The following CFAP20DC variants were observed in gnomAD, a reference collection of about 807,000 sequenced individuals.
The protein encoded by CFAP20DC is protein CFAP20DC.
In CFAP20DC, 84 loss-of-function variants were observed where a neutral mutation model predicts 101.7. The ratio of observed to expected loss-of-function variants is 0.83; its 90% CI spans 0.69 to 0.99. The LOEUF (loss-of-function observed/expected upper bound fraction) is 0.99, where lower values mean the gene tolerates loss of function less well. Ranked by LOEUF, CFAP20DC falls within the 50% of genes least tolerant of loss-of-function variation. CFAP20DC has a pLI of 0.00. For synonymous variants in CFAP20DC, 359 were observed against 351.2 expected, an observed-to-expected ratio of 1.02 and a Z score of -0.25; for missense variants, 1,007 against 970.3, an observed-to-expected ratio of 1.04 and a Z score of -0.50.
intron 6 of CFAP20DC, among the ~76,000 whole-genome samples, chr3:58,907,445 CG>C (rs2083716805): frequency 6.6e-6 from 1 of 152,176 alleles, no homozygotes; most frequent in Non-Finnish European, 1.5e-5. Context: ...TGCATCATCC[CG>C]GGGTCTGGTG....
chr3:58,765,490 C>CAAAAAAAAAAAAAAAAAAAAAAACAA (rs1337049385), intron 15 of CFAP20DC, among the ~76,000 whole-genome samples: 1 of 81,828 alleles, frequency 1.2e-5, no homozygotes, highest in Non-Finnish European at 2.5e-5. Flanking sequence ...AAAAAAAAAC[C>CAAAAAAAAAAAAAAAAAAAAAAACAA]AAAAAAAAAA....
At chr3:59,011,403 A>G (rs1477260158) in intron 4 of CFAP20DC, among the ~76,000 whole-genome samples, 1 of 151,976 alleles carries the variant, frequency 6.6e-6, no homozygotes, top group African/African-American at 2.4e-5. Context: ...ATCTCAAAAA[A>G]AAAAAAAAAG....
At chr3:58,742,723 T>A in intron 16 of CFAP20DC, 151 bp from the exon 17 acceptor site, 1 of 452,708 alleles carries the variant, frequency 2.2e-6, no homozygotes, top group Non-Finnish European at 3.9e-6. Flanking sequence ...ACTGTGGAAG[T>A]GGTGAGACTC....
chr3:58,741,751 C>T (rs1368579738), downstream of CFAP20DC, among the ~76,000 whole-genome samples: 1 of 152,040 alleles, frequency 6.6e-6, no homozygotes, highest in Non-Finnish European at 1.5e-5. Context: ...CCACCTCTGC[C>T]TCCCAAGATT....
intron 4 of CFAP20DC, among the ~76,000 whole-genome samples, chr3:58,957,049 C>A (rs1014214886): frequency 6.6e-6 from 1 of 152,048 alleles, no homozygotes; most frequent in Non-Finnish European, 1.5e-5. Context: ...AGGAAACAAT[C>A]AACAAACTGA....
intron 12 of CFAP20DC, among the ~76,000 whole-genome samples, chr3:58,855,366 G>A (rs575097833): frequency 6.6e-6 from 1 of 152,270 alleles, no homozygotes; most frequent in Non-Finnish European, 1.5e-5. Flanking sequence ...TGGAGAAATA[G>A]GAACACTTTT....
In CFAP20DC at chr3:58,884,410, G is replaced by A. The variant is rs2081450449; in HGVS notation, c.715+135C>T. On this transcript the variant is annotated intron_variant, in intron 7 of 16. Transcript: ENST00000482387. ...ATCTGAGTTTGTAGCCCCTGGCGTG[G>A]TATGTGGCAAGTATACTCTGTTAAG... 7 of 714,220 alleles carry A rather than the reference G, an allele frequency of 9.8e-6. No individual in the cohort carries two copies. The Admixed American group carries it at 1.7e-4, about 18-fold the overall frequency. The allele number at this position is 714,220 out of a possible 1,614,324, so 44.2% of individuals were successfully genotyped here.
intron 15 of CFAP20DC, among the ~76,000 whole-genome samples, chr3:58,786,630 C>T (rs1239483078): frequency 1.3e-5 from 2 of 151,716 alleles, no homozygotes; most frequent in Admixed American, 6.6e-5. Flanking sequence ...GTGATAGTAT[C>T]ACAGTGCTTG....
chr3:59,048,496 G>A (rs370130101), intron 1 of CFAP20DC, among the ~76,000 whole-genome samples: 1 of 152,236 alleles, frequency 6.6e-6, no homozygotes, highest in East Asian at 1.9e-4. Flanking sequence ...CGGTGAGACG[G>A]CAAACTCTCC....
chr3:58,909,066 G>C (rs1018515408), intron 6 of CFAP20DC, among the ~76,000 whole-genome samples: 2 of 152,164 alleles, frequency 1.3e-5, no homozygotes, highest in African/African-American at 4.8e-5. Context: ...TGATACTATA[G>C]TACTAGCTAG....
intron 11 of CFAP20DC, 63 bp downstream of exon 11, chr3:58,866,503 A>C: frequency 7.3e-7 from 1 of 1,368,134 alleles, no homozygotes; most frequent in South Asian, 1.5e-5. Context: ...ACTGGATTTG[A>C]AATATTTACC....
intron 14 of CFAP20DC, among the ~76,000 whole-genome samples, chr3:58,816,445 G>A (rs541125306): frequency 2.0e-4 from 31 of 152,296 alleles, no homozygotes; most frequent in African/African-American, 5.5e-4. Context: ...CACCGTGCGC[G>A]AGCCGAAGCA....
intron 4 of CFAP20DC, among the ~76,000 whole-genome samples, chr3:58,986,803 C>T (rs116746558): frequency 5.3e-4 from 80 of 152,046 alleles, no homozygotes; most frequent in African/African-American, 1.7e-3. Context: ...GGTACTCTCA[C>T]GGAAAAAACG....
chr3:58,740,276 A>G (rs2067852660), downstream of CFAP20DC, among the ~76,000 whole-genome samples: 1 of 151,852 alleles, frequency 6.6e-6, no homozygotes, highest in African/African-American at 2.4e-5. The surrounding 1 kb of genome is among the most constrained non-coding windows in gnomAD (Gnocchi z 4.6). Flanking sequence ...CCTGTCTGAC[A>G]CCCCTCCCCA....
intron 4 of CFAP20DC, among the ~76,000 whole-genome samples, chr3:59,033,930 A>G (rs1469327908): frequency 6.6e-6 from 1 of 152,214 alleles, no homozygotes; most frequent in Non-Finnish European, 1.5e-5. Flanking sequence ...GAAGGAAAAA[A>G]TGTTAAGGGC....
At chr3:58,872,489 T>G (rs187160922) in intron 7 of CFAP20DC, among the ~76,000 whole-genome samples, 2 of 152,326 alleles carry the variant, frequency 1.3e-5, no homozygotes, top group Non-Finnish European at 2.9e-5. Context: ...GTTTTGGGTC[T>G]GTTTTTGTGT....
chr3:58,999,653 T>C (rs1241372955), intron 4 of CFAP20DC, among the ~76,000 whole-genome samples: 1 of 152,058 alleles, frequency 6.6e-6, no homozygotes, highest in Non-Finnish European at 1.5e-5. Flanking sequence ...AGGGTCTTAA[T>C]AGATCTTAAC....
chr3:58,906,342 T>C (rs546475133), intron 6 of CFAP20DC, among the ~76,000 whole-genome samples: 1 of 152,298 alleles, frequency 6.6e-6, no homozygotes, highest in African/African-American at 2.4e-5. Flanking sequence ...GTAATTGTCT[T>C]CATAATGAAC....
Position 58,899,333 on chromosome 3 carries a change from C to G in CFAP20DC, c.550+14375G>C, listed in dbSNP as rs1474219795. On this transcript the variant is annotated intron_variant, in intron 6 of 16. Transcript: ENST00000482387. The surrounding 1 kb of genome is among the most constrained non-coding windows in gnomAD (Gnocchi z 5.0). The stretch of plus-strand genomic sequence containing the variant: ...ACAGAGATGTTGGCCACCCCTCCCA[C>G]TGGGGACTCGGTCCTTCTCAGGCAG... Among the ~76,000 whole-genome samples, 1 of 152,234 alleles carries G rather than the reference C, an allele frequency of 6.6e-6. No homozygotes were observed.
Sources: allele counts gnomAD v4.1 joint callset (sites outside exome capture counted in the v4.1 genomes callset), GRCh38; gene constraint gnomAD v4.1.1; non-coding constraint Gnocchi (gnomAD v3.1); transcripts MANE v1.5; gene names NCBI Gene and HGNC (gene_info 2026-07-23, HGNC 2026-07-21).